The following SUCO variants were observed in gnomAD, a reference collection of about 807,000 sequenced individuals.
SUCO encodes the protein SUN domain containing ossification factor.
SUCO carries 57 observed loss-of-function variants against 148.1 expected under a neutral mutation model. That is an observed-to-expected ratio of 0.38 (90% confidence interval 0.31 to 0.48). The LOEUF (loss-of-function observed/expected upper bound fraction) is 0.48. Among genes scored for constraint, SUCO ranks in the 20% least tolerant of loss-of-function variants. SUCO has a pLI of 0.96. For synonymous variants in SUCO, 470 were observed against 502.7 expected (o/e 0.93, Z 0.87); for missense variants, 1,331 against 1,468.2 (o/e 0.91, Z 1.53).
intron 23 of SUCO, 139 bp downstream of exon 23, chr1:172,608,941 T>C: frequency 1.5e-6 from 1 of 681,052 alleles, no homozygotes; most frequent in Non-Finnish European, 2.5e-6. Context: ...ATGTTGTAAA[T>C]AAATATTAAC....
intron 19 of SUCO, among the ~76,000 whole-genome samples, chr1:172,593,304 G>A (rs1036819882): frequency 3.9e-5 from 6 of 152,110 alleles, no homozygotes; most frequent in East Asian, 1.9e-4. Context: ...AGAACTTCCA[G>A]CACTATGTTG....
At chr1:172,595,066 TTGGTTTAA>T (rs1022679439) in intron 19 of SUCO, among the ~76,000 whole-genome samples, 1 of 152,248 alleles carries the variant, frequency 6.6e-6, no homozygotes, top group Admixed American at 6.5e-5. Flanking sequence ...TTGATCTTTG[TTGGTTTAA>T]AGTCTGTTTT....
rs114783081 is a variant in SUCO, at chr1:172,551,526, G to A, written c.77G>A (p.Arg26His). The change falls in exon 2 of 24, where the codon CGT becomes CAT. Residue 26 changes from arginine to histidine, a missense_variant. By Grantham distance (29) the Arg-to-His change is conservative. Coordinates refer to ENST00000263688, the MANE Select transcript of SUCO (RefSeq NM_014283.5). ...GTGTTTTACAGGCTTCCCAGCTGGC[G>A]TGTATGTTGTAAAGAGAGTTCTTCA... ...LCSLVWLPSWRVCCKESSSAS... is the reference protein window; with the variant it reads ...LCSLVWLPSWHVCCKESSSAS... The A allele has an allele frequency of 5.6e-6, 9 of 1,604,468 alleles. No individual in the cohort carries two copies. Among genetic ancestry groups the A allele is most frequent in the Admixed American group, 1.7e-5 (1 of 58,826 alleles).
chr1:172,554,212 A>C (rs1409100527), intron 3 of SUCO, among the ~76,000 whole-genome samples: 1 of 152,194 alleles, frequency 6.6e-6, no homozygotes, highest in African/African-American at 2.4e-5. Context: ...GACATTTGTC[A>C]AGGGTTTATG....
intron 10 of SUCO, among the ~76,000 whole-genome samples, chr1:172,574,558 C>T (rs893767144): frequency 1.3e-5 from 2 of 152,004 alleles, no homozygotes; most frequent in African/African-American, 4.8e-5. Context: ...TAATATATTT[C>T]TTCCAGTCTT....
rs1654894997 is a variant in SUCO at position 172,570,705 on chromosome 1, T to C, written c.1024T>C (p.Leu342=). Residue 342 remains leucine (L), a synonymous_variant, in exon 9 of 24, where the codon TTG becomes CTG. Transcript: ENST00000263688. ...TATAGAAAATATGGATCTTTACATGTTGAATCCTTGCAGCACTAAAATTTG... is the reference window on the plus strand; with the variant it reads ...TATAGAAAATATGGATCTTTACATGCTGAATCCTTGCAGCACTAAAATTTG... ...ILIENMDLYM[L]NPCSTKIWFV... The C allele has an allele frequency of 6.2e-7, 1 of 1,608,046 alleles. No homozygotes were observed. The highest frequency in any genetic ancestry group is 8.5e-7 in the Non-Finnish European group (1 of 1,175,210).
At position 172,589,674 on chromosome 1, in the gene SUCO, A is replaced by G; in HGVS notation, c.2573A>G (p.Asp858Gly). ...TAKQTLISVV[D>G]SSSLPEVKEE... Reference sequence around the variant, plus strand: ...AAGCAAACTTTGATTTCTGTTGTGGATTCTTCTTCATTACCTGAAGTAAAA... The same window carrying G: ...AAGCAAACTTTGATTTCTGTTGTGGGTTCTTCTTCATTACCTGAAGTAAAA... Residue 858 changes from aspartate to glycine, a missense_variant, in exon 18 of 24, where the codon GAT becomes GGT. Asp to Gly is a moderately conservative substitution (Grantham distance 94, BLOSUM62 -1). This residue lies in a region of SUCO where 992 missense variants were observed against 1,093.5 expected (regional missense o/e 0.91). Coordinates refer to ENST00000263688, the MANE Select transcript of SUCO (RefSeq NM_014283.5). 1 of 1,613,868 alleles carries G rather than the reference A, an allele frequency of 6.2e-7. No individual in the cohort carries two copies. Among genetic ancestry groups the G allele is most frequent in the Non-Finnish European group, 8.5e-7 (1 of 1,179,862 alleles).
chr1:172,586,053 A>ATT (rs1656217290), intron 17 of SUCO, 105 bp downstream of exon 17: 1 of 684,344 alleles, frequency 1.5e-6, no homozygotes, highest in Admixed American at 3.0e-5. Flanking sequence ...GATTACCTGT[A>ATT]GAGAGCTCTG....
intron 1 of SUCO, among the ~76,000 whole-genome samples, chr1:172,539,101 T>A (rs945458681): frequency 7.2e-5 from 11 of 152,218 alleles, no homozygotes; most frequent in Admixed American, 5.2e-4. Context: ...CATGAACTTG[T>A]ACATCACTCT....
chr1:172,589,859 A>G lies in SUCO; in HGVS notation c.2758A>G (p.Asn920Asp). 6.3e-7 allele frequency: 1 copy of G among 1,589,880 alleles called. No individual in the cohort carries two copies. Among genetic ancestry groups the G allele is most frequent in the Non-Finnish European group, 8.5e-7 (1 of 1,172,574 alleles). ...GGAGTCAGTATTTATGAGACTTAAT[A>G]ATCGTATTAAAGCCTTAGAAGTTAA... Reference protein sequence around the residue: ...QKESVFMRLNNRIKALEVNMS... With the variant: ...QKESVFMRLNDRIKALEVNMS... The change falls in exon 18 of 24, where the codon AAT becomes GAT. Residue 920 changes from asparagine (N) to aspartate (D), a missense_variant. Coordinates refer to ENST00000263688, the MANE Select transcript of SUCO (RefSeq NM_014283.5).
intron 10 of SUCO, among the ~76,000 whole-genome samples, chr1:172,575,160 T>C (rs1213271540): frequency 6.6e-6 from 1 of 152,010 alleles, no homozygotes; most frequent in Non-Finnish European, 1.5e-5. Flanking sequence ...CACCAGTACT[T>C]GTATTTATAC....
intron 9 of SUCO, among the ~76,000 whole-genome samples, chr1:172,573,432 T>C (rs1279143736): frequency 6.6e-6 from 1 of 152,190 alleles, no homozygotes; most frequent in Non-Finnish European, 1.5e-5. Context: ...CTGTGTGTAC[T>C]TCGATATAGC....
Position 172,602,064 on chromosome 1 carries a change from G to A in SUCO, c.3019G>A (p.Val1007Ile). ...SATVAELKREVSDRQSYLVIS... is the reference protein window; with the variant it reads ...SATVAELKREISDRQSYLVIS... ...TTATTTAACCCTCTTCTCATCTCAG[G>A]TTTCAGATCGACAAAGCTATCTTGT... Residue 1007 changes from valine (V) to isoleucine (I), a missense_variant and splice_region_variant, in exon 21 of 24, where the codon GTT becomes ATT. Val to Ile is a conservative substitution (Grantham distance 29). Around this residue, in one of 3 missense-constraint regions of SUCO, gnomAD observed 334 missense variants for 352.3 expected, o/e 0.95. Transcript: ENST00000263688. 1 of 1,604,940 alleles carries A rather than the reference G, an allele frequency of 6.2e-7. No homozygotes were observed. The highest frequency in any genetic ancestry group is 1.1e-5 in the South Asian group (1 of 88,692).
intron 1 of SUCO, among the ~76,000 whole-genome samples, chr1:172,548,080 C>T (rs913568135): frequency 2.6e-5 from 4 of 151,700 alleles, no homozygotes; most frequent in African/African-American, 7.3e-5. Flanking sequence ...AATTTAAAAA[C>T]GGTTTGAATT....
chr1:172,591,794 C>T lies in SUCO; in HGVS notation c.2913+723C>T, dbSNP rs1656693302. On this transcript the variant is annotated intron_variant, in intron 19 of 23. Coordinates refer to ENST00000263688, the MANE Select transcript of SUCO (RefSeq NM_014283.5). Reference sequence around the variant, plus strand: ...ATTTATAATCCTTTGGGTATATACCCAGTAATGGGATTGCTGGGTCAAATG... The same window carrying T: ...ATTTATAATCCTTTGGGTATATACCTAGTAATGGGATTGCTGGGTCAAATG... Among the ~76,000 whole-genome samples, 2 of 152,052 alleles carry T rather than the reference C, an allele frequency of 1.3e-5. 1 individual carries two copies. Among genetic ancestry groups the T allele is most frequent in the South Asian group, 4.2e-4 (2 of 4,818 alleles).
intron 1 of SUCO, chr1:172,541,843 T>C: frequency 9.2e-6 from 9 of 983,540 alleles, no homozygotes; most frequent in Non-Finnish European, 1.1e-5. Context: ...GGGCCTAAAA[T>C]TATGAATCTG....
At chr1:172,550,936 G>A (rs1653247790) in intron 1 of SUCO, 1 of 910,726 alleles carries the variant, frequency 1.1e-6, no homozygotes, top group Middle Eastern at 5.6e-4. Flanking sequence ...GATAATAATT[G>A]TGGTATATTT....
intron 18 of SUCO, 96 bp downstream of exon 18, chr1:172,590,022 C>A: frequency 9.4e-7 from 1 of 1,066,280 alleles, no homozygotes; most frequent in Non-Finnish European, 1.3e-6. Flanking sequence ...TTAATTATCT[C>A]ATGATATAAT....
At chr1:172,580,146 C>G (rs1655776269) in intron 15 of SUCO, among the ~76,000 whole-genome samples, 1 of 152,042 alleles carries the variant, frequency 6.6e-6, no homozygotes, top group South Asian at 2.1e-4. Context: ...TTTCATCTCT[C>G]CTTCTAGCCT....
Sources: allele counts gnomAD v4.1 joint callset (sites outside exome capture counted in the v4.1 genomes callset), GRCh38; gene constraint gnomAD v4.1.1; regional missense constraint gnomAD v4.1.1; transcripts MANE v1.5; gene names NCBI Gene and HGNC (gene_info 2026-07-23, HGNC 2026-07-21).